SNTG1: variants seen among roughly 807,000 people sequenced by gnomAD.
SNTG1 encodes syntrophin gamma 1.
SNTG1 carries 39 observed loss-of-function variants against 74.7 expected under a neutral mutation model. The ratio of observed to expected loss-of-function variants is 0.52; its 90% CI spans 0.40 to 0.68. The LOEUF is 0.68. Ranked by LOEUF, SNTG1 falls within the 30% of genes least tolerant of loss-of-function variation. The pLI, the probability that SNTG1 is intolerant of heterozygous loss-of-function variation, is 0.00. For missense variants in SNTG1, 685 were observed against 609.5 expected (o/e 1.12, Z -1.30); for synonymous variants, 254 against 217.1 (o/e 1.17, Z -1.49).
At chr8:50,679,630 T>C (rs1016596552) in intron 15 of SNTG1, among the ~76,000 whole-genome samples, 5 of 152,154 alleles carry the variant, frequency 3.3e-5, no homozygotes, top group African/African-American at 1.2e-4. Flanking sequence ...TCTCACTTTT[T>C]CTGAATAATA....
intron 2 of SNTG1, among the ~76,000 whole-genome samples, chr8:50,346,976 A>T (rs1405005469): frequency 6.6e-6 from 1 of 152,254 alleles, no homozygotes; most frequent in Non-Finnish European, 1.5e-5. Context: ...AGGGTAAAGC[A>T]GCAAATGCTG....
chr8:49,941,293 A>G (rs551174370), intron 1 of SNTG1, among the ~76,000 whole-genome samples: 27 of 152,162 alleles, frequency 1.8e-4, no homozygotes, highest in Admixed American at 8.5e-4. Flanking sequence ...CCCTTCTAGA[A>G]GAGCCACCCT....
At chr8:50,157,159 T>A (rs1563672919) in intron 1 of SNTG1, among the ~76,000 whole-genome samples, 1 of 152,110 alleles carries the variant, frequency 6.6e-6, no homozygotes, top group Non-Finnish European at 1.5e-5. Context: ...GATATCAATA[T>A]CTATAGATGT....
chr8:50,215,477 G>C (rs907807458), intron 2 of SNTG1, among the ~76,000 whole-genome samples: 2 of 139,268 alleles, frequency 1.4e-5, no homozygotes, highest in African/African-American at 5.1e-5. Context: ...TATATATATA[G>C]ACTATATATA....
At chr8:50,276,728 A>G (rs1463396924) in intron 2 of SNTG1, among the ~76,000 whole-genome samples, 2 of 152,002 alleles carry the variant, frequency 1.3e-5, no homozygotes, top group African/African-American at 4.8e-5. Context: ...AAGCTCTAGA[A>G]TATACAAATT....
At chr8:50,673,526 TG>T (rs762055168) in intron 15 of SNTG1, among the ~76,000 whole-genome samples, 2 of 152,200 alleles carry the variant, frequency 1.3e-5, no homozygotes, top group Admixed American at 6.5e-5. Flanking sequence ...AAATGGATTT[TG>T]TATGTTGAGA....
intron 9 of SNTG1, among the ~76,000 whole-genome samples, chr8:50,503,587 G>T (rs1163527919): frequency 1.3e-5 from 2 of 151,936 alleles, no homozygotes; most frequent in African/African-American, 4.8e-5. Flanking sequence ...ACATTATTTT[G>T]CCTCTTCTAG....
intron 1 of SNTG1, among the ~76,000 whole-genome samples, chr8:50,018,046 A>T (rs562208299): frequency 9.2e-5 from 14 of 151,978 alleles, no homozygotes; most frequent in Non-Finnish European, 2.1e-4. Flanking sequence ...CAGAAAATCC[A>T]TGTCCATCAA....
At chr8:50,686,888 C>G (rs975220639) in intron 15 of SNTG1, among the ~76,000 whole-genome samples, 6 of 151,874 alleles carry the variant, frequency 4.0e-5, no homozygotes, top group African/African-American at 1.2e-4. Flanking sequence ...GTAATCCCAG[C>G]ACTTTGGGAG....
Position 50,422,277 on chromosome 8 carries a change from A to ATCTATCTGTCTG in SNTG1, c.163-16259_163-16258insGTCTGTCTATCT, listed in dbSNP as rs58396998. 2.6e-3 allele frequency among the ~76,000 whole-genome samples: 391 copies of ATCTATCTGTCTG among 151,694 alleles called. 4 individuals are homozygous for ATCTATCTGTCTG. Among genetic ancestry groups the ATCTATCTGTCTG allele is most frequent in the African/African-American group, 8.5e-3 (350 of 41,348 alleles). ...CTATCTATCTATCTATCTACTATCT[A>ATCTATCTGTCTG]TCTATCTATGTAGATAGGTAGATCA... On this transcript the variant is annotated intron_variant, in intron 4 of 18. Coordinates refer to ENST00000642720, the MANE Select transcript of SNTG1 (RefSeq NM_018967.5).
chr8:50,365,160 A>C (rs1052846766), intron 2 of SNTG1, among the ~76,000 whole-genome samples: 4 of 152,128 alleles, frequency 2.6e-5, no homozygotes, highest in African/African-American at 7.2e-5. Context: ...TAGTCAGAGA[A>C]AAATTCGAGT....
At chr8:50,527,081 T>G (rs1469051712) in intron 9 of SNTG1, among the ~76,000 whole-genome samples, 1 of 152,192 alleles carries the variant, frequency 6.6e-6, no homozygotes, top group Non-Finnish European at 1.5e-5. Flanking sequence ...AATTTGCATT[T>G]TCCTGATGAC....
chr8:50,622,735 A>G (rs2094931172), intron 13 of SNTG1, among the ~76,000 whole-genome samples: 1 of 152,108 alleles, frequency 6.6e-6, no homozygotes, highest in Admixed American at 6.5e-5. Context: ...AGATTATAAT[A>G]AAAAAGGTCG....
intron 13 of SNTG1, among the ~76,000 whole-genome samples, chr8:50,599,072 G>A (rs2094753717): frequency 6.6e-6 from 1 of 151,876 alleles, no homozygotes; most frequent in Admixed American, 6.6e-5. Flanking sequence ...GGAAAATGGA[G>A]TGTTTATCCT....
chr8:50,570,226 TTTTTATTTTA>T (rs1175368970), intron 12 of SNTG1, among the ~76,000 whole-genome samples: 1,454 of 46,836 alleles, frequency 0.031, 145 homozygotes, highest in South Asian at 0.092. Context: ...GGTGGTTCTA[TTTTTATTTTA>T]TTTTATTTTA....
In SNTG1 at chr8:50,043,089, CT is replaced by C. The variant is rs1311810157; in HGVS notation, c.-102-129471del. Among the ~76,000 whole-genome samples, 4 of 152,114 alleles carry C rather than the reference CT, an allele frequency of 2.6e-5. No homozygotes were observed. In the South Asian group the frequency reaches 8.3e-4, roughly 31 times the overall value. ...TTCCCTTCCCTCTGTTATTTTCCTT[CT>C]ACTCTGAAAGAATGAAGATAACACA... On this transcript the variant is annotated intron_variant, in intron 1 of 18. Coordinates refer to ENST00000642720, the MANE Select transcript of SNTG1 (RefSeq NM_018967.5).
intron 2 of SNTG1, among the ~76,000 whole-genome samples, chr8:50,285,503 A>G (rs1159791170): frequency 6.6e-6 from 1 of 152,166 alleles, no homozygotes; most frequent in African/African-American, 2.4e-5. Context: ...CTTTGTAGGA[A>G]ATACAAACAA....
intron 2 of SNTG1, among the ~76,000 whole-genome samples, chr8:50,200,602 T>G (rs1490946229): frequency 6.6e-6 from 1 of 152,140 alleles, no homozygotes. Context: ...ACACCAGGGA[T>G]GCCCTTCCTC....
At chr8:50,168,136 A>G (rs2082689570) in intron 1 of SNTG1, among the ~76,000 whole-genome samples, 1 of 152,104 alleles carries the variant, frequency 6.6e-6, no homozygotes, top group African/African-American at 2.4e-5. Flanking sequence ...ATCATTAATA[A>G]TCTTTTTCTA....
Sources: gnomAD v4.1 joint callset for allele counts (sites outside exome capture counted in the v4.1 genomes callset) on GRCh38, gnomAD v4.1.1 for gene constraint, MANE v1.5 for transcripts, NCBI Gene and HGNC (gene_info 2026-07-23, HGNC 2026-07-21) for gene names.